The following WDFY3 variants were observed in gnomAD, a reference collection of about 807,000 sequenced individuals.
WDFY3 encodes the protein WD repeat and FYVE domain containing 3.
In WDFY3, 66 loss-of-function variants were observed where a neutral mutation model predicts 409.6. The ratio of observed to expected loss-of-function variants is 0.16; its 90% CI spans 0.13 to 0.20. The LOEUF is 0.20. Among genes scored for constraint, WDFY3 ranks in the 10% least tolerant of loss-of-function variants. The pLI, the probability that WDFY3 is intolerant of heterozygous loss-of-function variation, is 1.00. For missense variants in WDFY3, 3,031 were observed against 4,298.1 expected (o/e 0.71, Z 8.24); for synonymous variants, 1,521 against 1,537.1 (o/e 0.99, Z 0.25).
chr4:84,803,611 C>G, intron 15 of WDFY3, 144 bp from the exon 16 acceptor site: 1 of 894,788 alleles, frequency 1.1e-6, no homozygotes. Flanking sequence ...ATATTATCAA[C>G]TCGAGTTGAT....
chr4:84,711,668 T>C (rs766311815), intron 51 of WDFY3, among the ~76,000 whole-genome samples: 21 of 151,886 alleles, frequency 1.4e-4, no homozygotes, highest in Non-Finnish European at 2.9e-4. Flanking sequence ...CTGGCCAATA[T>C]GGTGAAACCC....
chr4:84,961,130 G>A (rs916462309), intron 1 of WDFY3, among the ~76,000 whole-genome samples: 8 of 151,242 alleles, frequency 5.3e-5, no homozygotes, highest in Admixed American at 1.3e-4. Context: ...CAGGAGAATC[G>A]CTTGAACCCG....
Position 84,794,963 on chromosome 4 carries a change from TG to T in WDFY3, c.3183del (p.Ser1062ValfsTer39). The T allele has an allele frequency of 1.3e-6, 2 of 1,554,152 alleles. No homozygotes were observed. The highest frequency in any genetic ancestry group is 1.3e-5 in the South Asian group (1 of 78,364). ...SLEGFGCLFL[P>X]SLAPHNAPTN... ...GTAGGAGCATTATGAGGGGCCAAACTGGGCAAAAAAAGACATCTATTAAAGA... is the reference window on the plus strand; with the variant it reads ...GTAGGAGCATTATGAGGGGCCAAACTGGCAAAAAAAGACATCTATTAAAGA... On this transcript the variant is annotated frameshift_variant, in exon 20 of 68. Coordinates refer to ENST00000295888, the MANE Select transcript of WDFY3 (RefSeq NM_014991.6). LOFTEE classifies it high-confidence loss of function.
intron 56 of WDFY3, among the ~76,000 whole-genome samples, chr4:84,698,593 T>C (rs1207947013): frequency 6.6e-6 from 1 of 152,066 alleles, no homozygotes; most frequent in Non-Finnish European, 1.5e-5. Flanking sequence ...ATTCTGAAGC[T>C]CTCCTCCATG....
At chr4:84,729,808 T>C (rs910794790) in intron 44 of WDFY3, among the ~76,000 whole-genome samples, 1 of 152,186 alleles carries the variant, frequency 6.6e-6, no homozygotes, top group Admixed American at 6.5e-5. Context: ...GAAATGTTAC[T>C]GAGAAATAAT....
rs1026764868 is a variant in WDFY3, at chr4:84,692,926, T to C, written c.9008A>G (p.His3003Arg). The change falls in exon 59 of 68, where the codon CAT becomes CGT. Residue 3003 changes from histidine to arginine, a missense_variant. Physicochemically the swap from His to Arg is conservative, Grantham distance 29 (BLOSUM62 0). This residue lies in a region of WDFY3 where 152 missense variants were observed against 193.5 expected (regional missense o/e 0.79). Coordinates refer to ENST00000295888, the MANE Select transcript of WDFY3 (RefSeq NM_014991.6). ...PGSTSDKIFFHHLDNLRPSLT... is the reference protein window; with the variant it reads ...PGSTSDKIFFRHLDNLRPSLT... The stretch of plus-strand genomic sequence containing the variant: ...AGAAGGCCTCAAGTTGTCTAGATGA[T>C]GAAAAAAGATCTTGTCACTTGTAGA... 6.2e-7 allele frequency: 1 copy of C among 1,613,170 alleles called. No homozygotes were observed. Among genetic ancestry groups the C allele is most frequent in the Non-Finnish European group, 8.5e-7 (1 of 1,179,852 alleles).
chr4:84,804,430 C>T (rs1416025713), intron 15 of WDFY3, among the ~76,000 whole-genome samples: 1 of 151,972 alleles, frequency 6.6e-6, no homozygotes, highest in African/African-American at 2.4e-5. Context: ...TTGGCACTGC[C>T]GTGGTTTAAA....
chr4:84,857,342 T>C (rs576364932), intron 4 of WDFY3, among the ~76,000 whole-genome samples: 6 of 152,322 alleles, frequency 3.9e-5, no homozygotes, highest in African/African-American at 1.4e-4. Flanking sequence ...TCTAGTCTAG[T>C]AGACTGTGGA....
chr4:84,741,056 C>T (rs938471935), intron 38 of WDFY3, among the ~76,000 whole-genome samples: 7 of 152,126 alleles, frequency 4.6e-5, no homozygotes, highest in African/African-American at 1.7e-4. Flanking sequence ...ATAACAACTT[C>T]AAGAGAATAT....
chr4:84,798,987 A>G (rs1223359912), intron 17 of WDFY3, among the ~76,000 whole-genome samples: 2 of 152,154 alleles, frequency 1.3e-5, no homozygotes, highest in East Asian at 3.9e-4. Context: ...CTTTCCCGCA[A>G]TCATAAATTC....
chr4:84,820,103 C>G lies in WDFY3; in HGVS notation c.1675G>C (p.Gly559Arg). 1 of 1,601,284 alleles carries G rather than the reference C, an allele frequency of 6.2e-7. No homozygotes were observed. The highest frequency in any genetic ancestry group is 8.5e-7 in the Non-Finnish European group (1 of 1,172,964). The change falls in exon 12 of 68, where the codon GGA (glycine) becomes CGA (arginine). Residue 559 changes from glycine to arginine, a missense_variant. Around this residue, in one of 16 missense-constraint regions of WDFY3, gnomAD observed 1,322 missense variants for 1,697.9 expected, o/e 0.78. Coordinates refer to ENST00000295888, the MANE Select transcript of WDFY3 (RefSeq NM_014991.6). ...AAATTACCTGCATTTGTGTTTGATC[C>G]TTGAAGAAGCACTGTCAAGGTCTCC... ...VMETLTVLLQ[G>R]SNTNAGIFRE...
Position 84,709,719 on chromosome 4 carries a change from CTGTT to C in WDFY3, c.8043-376_8043-373del, listed in dbSNP as rs1191856409. On this transcript the variant is annotated intron_variant, in intron 51 of 67. Coordinates refer to ENST00000295888, the MANE Select transcript of WDFY3 (RefSeq NM_014991.6). ...AAGAACACTGATCTAGTTCAACTTT[CTGTT>C]TGTTTTGTTTTGTTCTGTTTTGAGA... 2.6e-5 allele frequency among the ~76,000 whole-genome samples: 4 copies of C among 152,204 alleles called. No individual in the cohort carries two copies. The East Asian group carries it at 7.7e-4, about 29-fold the overall frequency.
At chr4:84,733,189 T>C (rs144731487) in intron 44 of WDFY3, among the ~76,000 whole-genome samples, 193 bp downstream of exon 44, 105 of 152,324 alleles carry the variant, frequency 6.9e-4, no homozygotes, top group Middle Eastern at 6.8e-3. Flanking sequence ...TAAACCTCTT[T>C]ATTATGATGT....
At chr4:84,842,825 C>A (rs1305370941) in intron 5 of WDFY3, among the ~76,000 whole-genome samples, 1 of 152,150 alleles carries the variant, frequency 6.6e-6, no homozygotes, top group Admixed American at 6.5e-5. Context: ...TAACACACTT[C>A]ATAAAGAAGT....
At chr4:84,865,243 T>C (rs371267869) in intron 3 of WDFY3, among the ~76,000 whole-genome samples, 4 of 152,122 alleles carry the variant, frequency 2.6e-5, no homozygotes, top group African/African-American at 9.7e-5. Flanking sequence ...ACAAATACTA[T>C]CTCACTATAT....
intron 36 of WDFY3, among the ~76,000 whole-genome samples, chr4:84,744,373 G>A (rs1738985412): frequency 6.6e-6 from 1 of 151,842 alleles, no homozygotes; most frequent in Admixed American, 6.6e-5. Flanking sequence ...AAAAAACTAA[G>A]CACACAATTT....
intron 63 of WDFY3, chr4:84,682,749 A>G: frequency 3.0e-6 from 1 of 334,010 alleles, no homozygotes; most frequent in South Asian, 3.4e-5. Context: ...TGGGAAGCCA[A>G]GATGGGCGGA....
intron 21 of WDFY3, among the ~76,000 whole-genome samples, chr4:84,790,125 G>A (rs1055956038): frequency 9.2e-5 from 14 of 151,980 alleles, no homozygotes; most frequent in Non-Finnish European, 1.3e-4. Flanking sequence ...TGAGGCGGGC[G>A]GATCACCTGA....
At chr4:84,770,834 C>T (rs1744553686) in intron 30 of WDFY3, among the ~76,000 whole-genome samples, 1 of 152,146 alleles carries the variant, frequency 6.6e-6, no homozygotes, top group Non-Finnish European at 1.5e-5. Context: ...CCTTTTCTTA[C>T]TGCCACAGTT....
Sources: allele counts gnomAD v4.1 joint callset (sites outside exome capture counted in the v4.1 genomes callset), GRCh38; gene constraint gnomAD v4.1.1; regional missense constraint gnomAD v4.1.1; transcripts MANE v1.5; gene names NCBI Gene and HGNC (gene_info 2026-07-23, HGNC 2026-07-21).